RCAN1: variants seen among roughly 807,000 people sequenced by gnomAD.
RCAN1 encodes the protein regulator of calcineurin 1.
Under a neutral mutation model 22.9 loss-of-function variants are expected in RCAN1, and 11 were observed. The ratio of observed to expected loss-of-function variants is 0.48; its 90% CI spans 0.30 to 0.79. The LOEUF is 0.79. Among genes scored for constraint, RCAN1 ranks in the 30% least tolerant of loss-of-function variants. The pLI, the probability that RCAN1 is intolerant of heterozygous loss-of-function variation, is 0.06. For missense variants in RCAN1, 291 were observed against 337.8 expected, an observed-to-expected ratio of 0.86 and a Z score of 1.09; for synonymous variants, 136 against 142.3, an observed-to-expected ratio of 0.96 and a Z score of 0.32.
intron 1 of RCAN1, among the ~76,000 whole-genome samples, chr21:34,591,717 C>T (rs945816246): frequency 6.6e-6 from 1 of 152,226 alleles, no homozygotes; most frequent in Non-Finnish European, 1.5e-5. Flanking sequence ...GAGATTCTCG[C>T]ATGGTGGATC....
At chr21:34,545,033 G>T (rs1291057776) in intron 1 of RCAN1, among the ~76,000 whole-genome samples, 1 of 152,226 alleles carries the variant, frequency 6.6e-6, no homozygotes, top group Non-Finnish European at 1.5e-5. Flanking sequence ...ACCATCAGTG[G>T]AGCGAGAGCC....
chr21:34,543,986 T>C (rs1399428127), intron 1 of RCAN1, among the ~76,000 whole-genome samples: 1 of 152,250 alleles, frequency 6.6e-6, no homozygotes, highest in Non-Finnish European at 1.5e-5. Flanking sequence ...GACTGAATCC[T>C]ATGAACTTCA....
Position 34,615,068 on chromosome 21 carries a change from G to T in RCAN1, c.-57C>A. The T allele has an allele frequency of 9.9e-7, 1 of 1,013,608 alleles. No individual in the cohort carries two copies. The highest frequency in any genetic ancestry group is 1.2e-6 in the Non-Finnish European group (1 of 849,606). The allele number at this position is 1,013,608 out of a possible 1,614,324, so 62.8% of individuals were successfully genotyped here. ...CGGGCTGCTCCGGGCTTGCGCGCCG[G>T]AGCCTCACGCGCTCCGGTCCGCGCC... is the stretch of plus-strand genomic sequence containing the variant. On this transcript the variant is annotated 5_prime_UTR_variant, in exon 1 of 4. Transcript: ENST00000313806.
At chr21:34,552,612 G>C (rs538468018) in intron 1 of RCAN1, among the ~76,000 whole-genome samples, 1 of 152,120 alleles carries the variant, frequency 6.6e-6, no homozygotes, top group African/African-American at 2.4e-5. Flanking sequence ...TTCAATAGTA[G>C]TGTAGCCACT....
intron 1 of RCAN1, among the ~76,000 whole-genome samples, chr21:34,612,550 A>G (rs1988711446): frequency 6.6e-6 from 1 of 152,200 alleles, no homozygotes; most frequent in Non-Finnish European, 1.5e-5. Flanking sequence ...CAGAGCCATT[A>G]TCTACCCTTC....
intron 1 of RCAN1, among the ~76,000 whole-genome samples, chr21:34,589,229 A>T (rs555626667): frequency 1.3e-5 from 2 of 152,304 alleles, no homozygotes; most frequent in South Asian, 2.1e-4. Context: ...GATTGTATTC[A>T]TACTTTGGAT....
intron 1 of RCAN1, among the ~76,000 whole-genome samples, chr21:34,595,599 C>A (rs912404704): frequency 2.0e-5 from 3 of 152,186 alleles, no homozygotes; most frequent in Non-Finnish European, 2.9e-5. Flanking sequence ...AGTGCAGGAG[C>A]CGTGCTGAGA....
chr21:34,531,107 A>G (rs542846448), intron 1 of RCAN1, among the ~76,000 whole-genome samples: 1 of 152,352 alleles, frequency 6.6e-6, no homozygotes, highest in African/African-American at 2.4e-5. Flanking sequence ...ATTAATATCA[A>G]ATTCAGAGTT....
At chr21:34,550,246 A>C (rs1227983817) in intron 1 of RCAN1, among the ~76,000 whole-genome samples, 1 of 152,228 alleles carries the variant, frequency 6.6e-6, no homozygotes, top group Non-Finnish European at 1.5e-5. Context: ...CTCAAAAAGA[A>C]ATGGAAGAAC....
chr21:34,563,765 A>AC (rs1269267827), intron 1 of RCAN1, among the ~76,000 whole-genome samples: 3 of 99,548 alleles, frequency 3.0e-5, no homozygotes, highest in African/African-American at 8.7e-5. Context: ...AAAAAAAAAA[A>AC]AAAAAATATA....
intron 1 of RCAN1, chr21:34,525,066 G>A (rs1253113440): frequency 5.8e-6 from 9 of 1,550,418 alleles, no homozygotes; most frequent in Non-Finnish European, 7.0e-6. Context: ...GGTAGGCAGC[G>A]CGGACAGAGC....
At chr21:34,547,566 T>C (rs559612464) in intron 1 of RCAN1, among the ~76,000 whole-genome samples, 1 of 152,322 alleles carries the variant, frequency 6.6e-6, no homozygotes, top group Non-Finnish European at 1.5e-5. Flanking sequence ...CAAAAGTTTA[T>C]GTGTTAGAAA....
intron 1 of RCAN1, among the ~76,000 whole-genome samples, chr21:34,607,719 C>CA (rs1323492421): frequency 1.3e-5 from 2 of 152,120 alleles, no homozygotes; most frequent in Non-Finnish European, 2.9e-5. Context: ...CCACAGAAGT[C>CA]AAAAAAGTTT....
intron 1 of RCAN1, among the ~76,000 whole-genome samples, chr21:34,606,115 C>A (rs750061293): frequency 6.6e-6 from 1 of 152,030 alleles, no homozygotes; most frequent in Admixed American, 6.6e-5. Flanking sequence ...TAAAATGATA[C>A]GTCTTGTGGA....
intron 1 of RCAN1, among the ~76,000 whole-genome samples, chr21:34,569,309 T>A (rs1465171208): frequency 6.6e-6 from 1 of 152,202 alleles, no homozygotes; most frequent in Non-Finnish European, 1.5e-5. Context: ...GAGAGAGAAT[T>A]TTTTTAGACT....
At chr21:34,576,529 T>C (rs1273081274) in intron 1 of RCAN1, among the ~76,000 whole-genome samples, 1 of 152,206 alleles carries the variant, frequency 6.6e-6, no homozygotes, top group African/African-American at 2.4e-5. Context: ...CAGTCTTTGA[T>C]TGTCTTGTGT....
intron 1 of RCAN1, among the ~76,000 whole-genome samples, chr21:34,534,201 A>G (rs1985561190): frequency 2.7e-5 from 1 of 36,390 alleles, no homozygotes; most frequent in Non-Finnish European, 5.1e-5. Context: ...GGGCAGTGGG[A>G]GCTTCTTCTC....
intron 1 of RCAN1, among the ~76,000 whole-genome samples, chr21:34,583,904 A>G (rs1987705644): frequency 1.3e-5 from 2 of 151,812 alleles, no homozygotes; most frequent in South Asian, 2.1e-4. Context: ...ACACACACAC[A>G]TACACACACA....
chr21:34,581,619 C>T (rs1987611814), intron 1 of RCAN1, among the ~76,000 whole-genome samples: 1 of 152,142 alleles, frequency 6.6e-6, no homozygotes, highest in South Asian at 2.1e-4. Flanking sequence ...CCATCATTCC[C>T]AGGGTCAATG....
Sources: allele counts gnomAD v4.1 joint callset (sites outside exome capture counted in the v4.1 genomes callset), GRCh38; gene constraint gnomAD v4.1.1; transcripts MANE v1.5; gene names NCBI Gene and HGNC (gene_info 2026-07-23, HGNC 2026-07-21).